Variants in CNDP1 observed in about 807,000 individuals in gnomAD.
The protein encoded by CNDP1 is beta-Ala-His dipeptidase.
A neutral mutation model predicts 58.1 loss-of-function variants in CNDP1; 44 were observed. That is an observed-to-expected ratio of 0.76 (90% CI 0.60 to 0.97). CNDP1 has a LOEUF of 0.97. Ranked by LOEUF, CNDP1 falls within the 50% of genes least tolerant of loss-of-function variation. CNDP1 has a pLI of 0.00. For missense variants in CNDP1, 616 were observed against 655.1 expected, an observed-to-expected ratio of 0.94 and a Z score of 0.65; for synonymous variants, 254 against 252.6, an observed-to-expected ratio of 1.01 and a Z score of -0.05.
At chr18:74,537,650 T>C (rs1228251805) in intron 1 of CNDP1, among the ~76,000 whole-genome samples, 1 of 152,166 alleles carries the variant, frequency 6.6e-6, no homozygotes, top group Non-Finnish European at 1.5e-5. Context: ...GGCTCTGTGC[T>C]GTGGGCACTC....
Position 74,586,049 on chromosome 18 carries a change from C to T in CNDP1, c.*1487C>T, listed in dbSNP as rs1396279926. 1 of 147,522 alleles carries T rather than the reference C, an allele frequency of 6.8e-6. No homozygotes were observed. The highest frequency in any genetic ancestry group is 1.5e-5 in the Non-Finnish European group (1 of 67,076). 9.1% of individuals were successfully genotyped at this position (147,522 alleles called of 1,614,324 possible). A position where few individuals can be genotyped will look rare whatever the true frequency, so the allele number is the denominator to read the frequency against. ...AACACATTTGCGTTCAACTTTTTTCCATCACTCTGTTGGTTCTTGAGATGT... is the reference window on the plus strand; with the variant it reads ...AACACATTTGCGTTCAACTTTTTTCTATCACTCTGTTGGTTCTTGAGATGT... On this transcript the variant is annotated 3_prime_UTR_variant, in exon 12 of 12. Transcript: ENST00000358821.
intron 1 of CNDP1, among the ~76,000 whole-genome samples, chr18:74,538,087 T>C (rs988362430): frequency 7.9e-5 from 12 of 152,176 alleles, no homozygotes; most frequent in Non-Finnish European, 1.8e-4. Context: ...TTCAGTGGCT[T>C]TTAGTATATT....
intron 1 of CNDP1, among the ~76,000 whole-genome samples, chr18:74,543,534 TAAA>T (rs1980682030): frequency 6.7e-6 from 1 of 150,326 alleles, no homozygotes; most frequent in Admixed American, 6.7e-5. Flanking sequence ...TAAAATAAAA[TAAA>T]ATAAAAACAG....
At chr18:74,576,550 G>T (rs1981641338) in intron 7 of CNDP1, 1 of 265,500 alleles carries the variant, frequency 3.8e-6, no homozygotes, top group Non-Finnish European at 7.0e-6. Context: ...ATGTATAAAA[G>T]GCATAGCTGA....
intron 1 of CNDP1, among the ~76,000 whole-genome samples, chr18:74,542,249 T>G (rs1232342638): frequency 6.6e-6 from 1 of 152,220 alleles, no homozygotes; most frequent in Admixed American, 6.5e-5. Flanking sequence ...GAGCTCCTGG[T>G]GTCAAGGCCT....
At chr18:74,566,654 A>G (rs949763260) in intron 5 of CNDP1, among the ~76,000 whole-genome samples, 12 of 152,222 alleles carry the variant, frequency 7.9e-5, no homozygotes, top group Admixed American at 3.9e-4. Flanking sequence ...CCTGGATTTT[A>G]TTGTCCATAT....
In CNDP1 at chr18:74,560,883, C is replaced by T; in HGVS notation, c.331C>T (p.Pro111Ser). ...QLPDGQSLPI[P>S]PVILAELGSD... The stretch of plus-strand genomic sequence containing the variant: ...GCCCGATGGTCAGAGTCTTCCAATA[C>T]CTCCCGTCATCCTGGCCGAACTGGG... Residue 111 changes from proline (P) to serine (S), a missense_variant, in exon 4 of 12, where the codon CCT becomes TCT. By Grantham distance (74) the Pro-to-Ser change is moderately conservative (BLOSUM62 -1). Transcript: ENST00000358821. 1.2e-6 allele frequency: 2 copies of T among 1,614,050 alleles called. No homozygotes were observed. The highest frequency in any genetic ancestry group is 8.5e-7 in the Non-Finnish European group (1 of 1,179,944).
At chr18:74,578,940 CAA>C (rs1230211915) in intron 9 of CNDP1, among the ~76,000 whole-genome samples, 1 of 152,150 alleles carries the variant, frequency 6.6e-6, no homozygotes, top group South Asian at 2.1e-4. Context: ...CAATTTGCCT[CAA>C]GTTAGTTTAA....
chr18:74,582,396 A>G (rs1891899944), intron 10 of CNDP1, among the ~76,000 whole-genome samples: 1 of 152,218 alleles, frequency 6.6e-6, no homozygotes, highest in Non-Finnish European at 1.5e-5. Flanking sequence ...CTCTTTCTAA[A>G]ACCTACGATA....
At position 74,580,268 on chromosome 18, in the gene CNDP1, A is replaced by T; in HGVS notation, c.1306A>T (p.Thr436Ser). Residue 436 changes from threonine to serine, a missense_variant, in exon 10 of 12, where the codon ACA becomes TCA. Physicochemically the swap from Thr to Ser is moderately conservative, Grantham distance 58 (BLOSUM62 1). Coordinates refer to ENST00000358821, the MANE Select transcript of CNDP1 (RefSeq NM_032649.6). ...QYLAAKRAIR[T>S]VFGTEPDMIR... ...TCTCGCAGCAAAAAGAGCGATCAGA[A>T]CAGGTGGGACCTTAAGATCTTCTGA... 1 of 1,614,150 alleles carries T rather than the reference A, an allele frequency of 6.2e-7. No individual in the cohort carries two copies. The highest frequency in any genetic ancestry group is 8.5e-7 in the Non-Finnish European group (1 of 1,179,964).
At chr18:74,561,906 G>A in intron 4 of CNDP1, 141 bp from the exon 5 acceptor site, 1 of 643,630 alleles carries the variant, frequency 1.6e-6, no homozygotes, top group Non-Finnish European at 2.7e-6. Flanking sequence ...ATCATACTTT[G>A]CAATTTCATG....
rs142449552 is a variant in CNDP1 at position 74,559,491 on chromosome 18, C to T, written c.303+19C>T. 1.9e-4 allele frequency: 299 copies of T among 1,590,632 alleles called. 1 individual carries two copies. The African/African-American group carries it at 3.8e-3, about 20-fold the overall frequency. ...TCAGCAGGTGCTGTACGATTCCCTC[C>T]CACTGAGGGAGGTGCTACTTCTAGA... On this transcript the variant is annotated intron_variant, in intron 3 of 11. Transcript: ENST00000358821.
chr18:74,559,627 A>G (rs1348851121), intron 3 of CNDP1, among the ~76,000 whole-genome samples, 155 bp downstream of exon 3: 4 of 152,126 alleles, frequency 2.6e-5, no homozygotes, highest in Non-Finnish European at 4.4e-5. Flanking sequence ...CCTGGTCTCA[A>G]ATGAAGCCGT....
At chr18:74,538,408 T>C (rs1159290477) in intron 1 of CNDP1, among the ~76,000 whole-genome samples, 1 of 152,270 alleles carries the variant, frequency 6.6e-6, no homozygotes, top group African/African-American at 2.4e-5. Flanking sequence ...TGTGTGAATA[T>C]GCCACATTTT....
rs2144583513 is a variant in CNDP1 at position 74,584,693 on chromosome 18, G to T, written c.*131G>T. 4.3e-6 allele frequency: 3 copies of T among 702,344 alleles called. No individual in the cohort carries two copies. The East Asian group carries it at 7.9e-5, about 19-fold the overall frequency. The allele number at this position is 702,344 out of a possible 1,614,324, so 43.5% of individuals were successfully genotyped here. A position where few individuals can be genotyped will look rare whatever the true frequency, so the allele number is the denominator to read the frequency against. On this transcript the variant is annotated 3_prime_UTR_variant, in exon 12 of 12. Transcript: ENST00000358821. The stretch of plus-strand genomic sequence containing the variant: ...GTACATTTTCCCTTCCATTTAAAAT[G>T]TCTTGGGATATCTGGATCAGTAATA...
At chr18:74,550,744 T>G (rs866285772) in intron 1 of CNDP1, among the ~76,000 whole-genome samples, 1,474 of 40,626 alleles carry the variant, frequency 0.036, 22 homozygotes, top group African/African-American at 0.13. Flanking sequence ...GCCCGACTAT[T>G]TTTTTTTTTT....
At chr18:74,579,339 TC>T (rs948616653) in intron 9 of CNDP1, among the ~76,000 whole-genome samples, 5 of 13,194 alleles carry the variant, frequency 3.8e-4, no homozygotes, top group Non-Finnish European at 6.2e-4. Flanking sequence ...CTCCATCCCC[TC>T]CCCCTCCCCT....
At chr18:74,550,445 G>C (rs190749394) in intron 1 of CNDP1, among the ~76,000 whole-genome samples, 1 of 152,252 alleles carries the variant, frequency 6.6e-6, no homozygotes, top group African/African-American at 2.4e-5. Context: ...TATCTTGGAA[G>C]TAAATAACTT....
At chr18:74,582,672 G>A (rs1981817411) in intron 10 of CNDP1, among the ~76,000 whole-genome samples, 2 of 152,190 alleles carry the variant, frequency 1.3e-5, no homozygotes, top group African/African-American at 4.8e-5. Flanking sequence ...CTTCAAGATG[G>A]TCAAGGTCAT....
Sources: gnomAD v4.1 joint callset for allele counts (sites outside exome capture counted in the v4.1 genomes callset) on GRCh38, gnomAD v4.1.1 for gene constraint, MANE v1.5 for transcripts, NCBI Gene and HGNC (gene_info 2026-07-23, HGNC 2026-07-21) for gene names.